The following C1orf21 variants were observed in gnomAD, a reference collection of about 807,000 sequenced individuals.
C1orf21 encodes the protein uncharacterized protein C1orf21.
In C1orf21, 3 loss-of-function variants were observed where a neutral mutation model predicts 18.7. The ratio of observed to expected loss-of-function variants is 0.16; its 90% CI spans 0.07 to 0.42. The LOEUF is 0.42. C1orf21 is among the 10% of genes least tolerant of loss of function. The pLI is 0.99. For synonymous variants in C1orf21, 41 were observed against 46.4 expected (o/e 0.88, Z 0.47); for missense variants, 104 against 143.6 (o/e 0.72, Z 1.41).
At chr1:184,495,686 C>A (rs1258606492) in intron 2 of C1orf21, among the ~76,000 whole-genome samples, 1 of 151,930 alleles carries the variant, frequency 6.6e-6, no homozygotes, top group Non-Finnish European at 1.5e-5. Flanking sequence ...CTTTGGGAGG[C>A]CAAGGCGGGT....
intron 3 of C1orf21, chr1:184,567,379 G>T: frequency 2.0e-6 from 1 of 495,404 alleles, no homozygotes; most frequent in Non-Finnish European, 4.1e-6. Flanking sequence ...ACCAGCTCTT[G>T]TTTGGGGAAC....
intron 1 of C1orf21, among the ~76,000 whole-genome samples, chr1:184,464,213 G>A (rs1011087385): frequency 4.6e-5 from 7 of 152,336 alleles, no homozygotes; most frequent in Middle Eastern, 3.4e-3. Flanking sequence ...GTTAGTAGCT[G>A]GTGATATACC....
intron 3 of C1orf21, among the ~76,000 whole-genome samples, chr1:184,535,013 G>T (rs77123897): frequency 0.028 from 4,192 of 149,980 alleles, 187 homozygotes; most frequent in African/African-American, 0.095. Context: ...TGAGGTCTTT[G>T]GGTGCTAAAG....
intron 3 of C1orf21, among the ~76,000 whole-genome samples, chr1:184,578,936 G>A (rs761303222): frequency 4.1e-5 from 6 of 147,574 alleles, no homozygotes; most frequent in Admixed American, 6.9e-5. Context: ...AATGATATCC[G>A]TCATTTAGTC....
chr1:184,615,350 A>G (rs141612235), intron 5 of C1orf21, among the ~76,000 whole-genome samples: 2 of 152,250 alleles, frequency 1.3e-5, no homozygotes, highest in East Asian at 1.9e-4. Flanking sequence ...GTTCTTTCAA[A>G]CAAGCCTTCT....
chr1:184,580,155 C>T (rs185138277), intron 3 of C1orf21, among the ~76,000 whole-genome samples: 1 of 151,900 alleles, frequency 6.6e-6, no homozygotes, highest in African/African-American at 2.4e-5. Context: ...ATGACCTTGA[C>T]TCTTGACTGG....
chr1:184,624,552 G>T lies in C1orf21; in HGVS notation c.*4996G>T, dbSNP rs1247878144. Reference sequence around the variant, plus strand: ...AGTCTTGACCTTCATGGGGGTCTGGGACAATCCGATCTCCAAGCATGGAGG... The same window carrying T: ...AGTCTTGACCTTCATGGGGGTCTGGTACAATCCGATCTCCAAGCATGGAGG... On this transcript the variant is annotated 3_prime_UTR_variant, in exon 6 of 6. Coordinates refer to ENST00000235307, the MANE Select transcript of C1orf21 (RefSeq NM_030806.4). 6.6e-6 allele frequency: 1 copy of T among 152,112 alleles called. No individual in the cohort carries two copies. The highest frequency in any genetic ancestry group is 1.5e-5 in the Non-Finnish European group (1 of 68,032). 9.4% of individuals were successfully genotyped at this position (152,112 alleles called of 1,614,324 possible). A position where few individuals can be genotyped will look rare whatever the true frequency, so the allele number is the denominator to read the frequency against.
intron 1 of C1orf21, among the ~76,000 whole-genome samples, chr1:184,419,334 A>G (rs551404273): frequency 5.5e-4 from 84 of 152,346 alleles, no homozygotes; most frequent in African/African-American, 2.0e-3. Flanking sequence ...ATGTTTTCAT[A>G]CTATAGTAAC....
Position 184,627,672 on chromosome 1 carries a change from C to G in C1orf21, c.*8116C>G, listed in dbSNP as rs3814341. The stretch of plus-strand genomic sequence containing the variant: ...TTGTAATTCTGAGGCTAGCGATGCC[C>G]ACTCGGATATTCCGCAGGCCCAGGT... On this transcript the variant is annotated 3_prime_UTR_variant, in exon 6 of 6. Coordinates refer to ENST00000235307, the MANE Select transcript of C1orf21 (RefSeq NM_030806.4). The G allele has an allele frequency of 0.27, 40,485 of 152,216 alleles. 6,727 individuals carry two copies. Among genetic ancestry groups the G allele is most frequent in the East Asian group, 0.64 (3,328 of 5,188 alleles). The allele number at this position is 152,216 out of a possible 1,614,324, so 9.4% of individuals were successfully genotyped here. A position where few individuals can be genotyped will look rare whatever the true frequency, so the allele number is the denominator to read the frequency against.
At chr1:184,502,342 A>G (rs1657989262) in intron 2 of C1orf21, among the ~76,000 whole-genome samples, 1 of 152,156 alleles carries the variant, frequency 6.6e-6, no homozygotes, top group African/African-American at 2.4e-5. Flanking sequence ...CCCATTCATG[A>G]GGGTGGAGCC....
rs565389251 is a variant in C1orf21 at position 184,407,544 on chromosome 1, C to T, written c.-125+20176C>T. 1.0e-3 allele frequency among the ~76,000 whole-genome samples: 152 copies of T among 152,288 alleles called. 1 individual carries two copies. Among genetic ancestry groups the T allele is most frequent in the Middle Eastern group, 6.8e-3 (2 of 294 alleles). On this transcript the variant is annotated intron_variant, in intron 1 of 5. Transcript: ENST00000235307. ...GTTGTGCCGCATCCGCTTAGTGCAG[C>T]GTGTGCATCTGTTAAACAAATGAGT...
chr1:184,423,204 A>G (rs1280907704), intron 1 of C1orf21, among the ~76,000 whole-genome samples: 2 of 152,236 alleles, frequency 1.3e-5, no homozygotes, highest in Non-Finnish European at 1.5e-5. Context: ...GTACTCTGCT[A>G]CTTGTTGGAG....
chr1:184,527,467 G>A (rs565760627), intron 3 of C1orf21, among the ~76,000 whole-genome samples: 1 of 152,266 alleles, frequency 6.6e-6, no homozygotes, highest in South Asian at 2.1e-4. Flanking sequence ...CAGAAGGTAT[G>A]GGAAAGTGGA....
intron 3 of C1orf21, among the ~76,000 whole-genome samples, chr1:184,525,308 A>G (rs756211421): frequency 6.6e-5 from 10 of 152,100 alleles, no homozygotes; most frequent in Non-Finnish European, 1.2e-4. Context: ...CATAAAATGT[A>G]TATAGTGTGC....
chr1:184,478,086 C>G (rs1397282060), intron 2 of C1orf21, among the ~76,000 whole-genome samples: 1 of 152,122 alleles, frequency 6.6e-6, no homozygotes, highest in Non-Finnish European at 1.5e-5. Context: ...GCATTTAAAT[C>G]AAGCTTCAAA....
At chr1:184,490,850 G>A (rs1657806373) in intron 2 of C1orf21, among the ~76,000 whole-genome samples, 4 of 151,896 alleles carry the variant, frequency 2.6e-5, no homozygotes, top group Admixed American at 6.6e-5. Context: ...TCTCTGGGTG[G>A]TGCTGATTAC....
chr1:184,449,956 TC>T (rs1013850123), intron 1 of C1orf21, among the ~76,000 whole-genome samples: 17 of 152,150 alleles, frequency 1.1e-4, no homozygotes, highest in African/African-American at 4.1e-4. Context: ...ATGTTGTAAA[TC>T]ACAGAAAAGT....
At chr1:184,541,723 C>T (rs547185852) in intron 3 of C1orf21, among the ~76,000 whole-genome samples, 30 of 152,180 alleles carry the variant, frequency 2.0e-4, no homozygotes, top group Non-Finnish European at 4.3e-4. Context: ...TCAGAGTGGA[C>T]CTGGCACTCC....
intron 3 of C1orf21, among the ~76,000 whole-genome samples, chr1:184,551,240 T>A (rs566268509): frequency 3.3e-5 from 5 of 152,306 alleles, no homozygotes; most frequent in Non-Finnish European, 5.9e-5. Context: ...GTATTTTTTT[T>A]AAATCATGTT....
Sources: gnomAD v4.1 joint callset for allele counts (sites outside exome capture counted in the v4.1 genomes callset) on GRCh38, gnomAD v4.1.1 for gene constraint, MANE v1.5 for transcripts, NCBI Gene and HGNC (gene_info 2026-07-23, HGNC 2026-07-21) for gene names.